CCDC69: variants seen among roughly 807,000 people sequenced by gnomAD.
The protein encoded by CCDC69 is coiled-coil domain-containing protein 69.
In CCDC69, 38 loss-of-function variants were observed where a neutral mutation model predicts 40.3. The observed-to-expected ratio is 0.94, with a 90% CI of 0.73 to 1.24. The LOEUF (loss-of-function observed/expected upper bound fraction) is 1.24, where lower values mean the gene tolerates loss of function less well. Among genes scored for constraint, CCDC69 ranks in the 50% most tolerant of loss-of-function variants. The pLI is 0.00. For missense variants in CCDC69, 389 were observed against 357.9 expected, an observed-to-expected ratio of 1.09 and a Z score of -0.70; for synonymous variants, 141 against 138.9, an observed-to-expected ratio of 1.02 and a Z score of -0.11.
intron 1 of CCDC69, chr5:151,210,539 G>C (rs377130220): frequency 2.6e-5 from 4 of 151,496 alleles, no homozygotes; most frequent in East Asian, 3.9e-4. Context: ...GTGAGACCCT[G>C]TCCCAAAAAA....
At chr5:151,196,502 C>T (rs756864726) in intron 4 of CCDC69, among the ~76,000 whole-genome samples, 1 of 151,932 alleles carries the variant, frequency 6.6e-6, no homozygotes, top group Non-Finnish European at 1.5e-5. Context: ...AAAGGCCATG[C>T]GAATACTCAT....
At chr5:151,206,058 C>T (rs189338563) in intron 1 of CCDC69, among the ~76,000 whole-genome samples, 26 of 152,284 alleles carry the variant, frequency 1.7e-4, no homozygotes, top group Non-Finnish European at 3.4e-4. Flanking sequence ...GAGATAGTGT[C>T]ACAAGTCTGG....
chr5:151,199,575 C>T (rs930899303), intron 3 of CCDC69, among the ~76,000 whole-genome samples: 18 of 152,178 alleles, frequency 1.2e-4, no homozygotes, highest in Non-Finnish European at 2.5e-4. Flanking sequence ...CTCATTGTCC[C>T]CCACTTGAGA....
intron 4 of CCDC69, among the ~76,000 whole-genome samples, chr5:151,192,635 G>A (rs1462014281): frequency 6.6e-6 from 1 of 152,130 alleles, no homozygotes; most frequent in Non-Finnish European, 1.5e-5. Context: ...ATCTCTCCCA[G>A]AAAGAGAAGA....
At chr5:151,204,174 C>A (rs538361650) in intron 2 of CCDC69, among the ~76,000 whole-genome samples, 1 of 152,022 alleles carries the variant, frequency 6.6e-6, no homozygotes, top group South Asian at 2.1e-4. Flanking sequence ...GGACTACAGG[C>A]ACACCGCCAC....
At chr5:151,205,724 T>C (rs534093342) in intron 1 of CCDC69, among the ~76,000 whole-genome samples, 3 of 152,294 alleles carry the variant, frequency 2.0e-5, no homozygotes, top group East Asian at 1.9e-4. Context: ...CTGCTTGACC[T>C]GTCCCTAGAT....
intron 7 of CCDC69, chr5:151,185,168 C>T (rs1428638643): frequency 5.2e-6 from 2 of 385,718 alleles, no homozygotes; most frequent in East Asian, 5.7e-5. Flanking sequence ...CTCAATGCTA[C>T]CTGCCCTAGT....
In CCDC69 at chr5:151,187,375, G is replaced by T. The variant is rs369726489; in HGVS notation, c.393+11C>A. The T allele has an allele frequency of 6.2e-7, 1 of 1,613,110 alleles. No homozygotes were observed. Among genetic ancestry groups the T allele is most frequent in the South Asian group, 1.1e-5 (1 of 91,060 alleles). ...CCTTATCCAAGACTGACACGACCCA[G>T]CCCCTCTCACCTGCTGGGTAGAACT... is the stretch of plus-strand genomic sequence containing the variant. On this transcript the variant is annotated intron_variant, in intron 5 of 8. Transcript: ENST00000355417.
intron 4 of CCDC69, among the ~76,000 whole-genome samples, chr5:151,188,902 T>C (rs936349892): frequency 6.6e-6 from 1 of 152,144 alleles, no homozygotes; most frequent in Non-Finnish European, 1.5e-5. Flanking sequence ...AAGTAAATGG[T>C]AGCAGCAGAC....
rs778517045 is a variant in CCDC69 at position 151,183,570 on chromosome 5, T to C, written c.758A>G (p.Lys253Arg). 1.3e-4 allele frequency: 211 copies of C among 1,612,546 alleles called. No individual in the cohort carries two copies. The highest frequency in any genetic ancestry group is 1.7e-4 in the Non-Finnish European group (206 of 1,179,652). The change falls in exon 9 of 9, where the codon AAG (lysine) becomes AGG (arginine). Residue 253 changes from lysine (K) to arginine (R), a missense_variant. Physicochemically the swap from Lys to Arg is conservative, Grantham distance 26 (BLOSUM62 2). Coordinates refer to ENST00000355417, the MANE Select transcript of CCDC69 (RefSeq NM_015621.3). Reference protein sequence around the residue: ...DLLLTREALEKEVQLRRQLQQ... With the variant: ...DLLLTREALEREVQLRRQLQQ... ...GAGCTGTCGCCGCAGCTGCACCTCC[T>C]TCTCCAGGGCCTCACGCGTGAGAAG...
intron 3 of CCDC69, among the ~76,000 whole-genome samples, chr5:151,199,906 T>C (rs1752753620): frequency 6.6e-6 from 1 of 152,178 alleles, no homozygotes; most frequent in Non-Finnish European, 1.5e-5. Flanking sequence ...GCGTCTAAGC[T>C]AAAACCATTT....
At position 151,183,403 on chromosome 5, in the gene CCDC69, C is replaced by T. The variant is rs752163430; in HGVS notation, c.*34G>A. On this transcript the variant is annotated 3_prime_UTR_variant, in exon 9 of 9. Coordinates refer to ENST00000355417, the MANE Select transcript of CCDC69 (RefSeq NM_015621.3). ...AGAAAAACCTTGGAAGGAGCTGTGA[C>T]TTCAGGCGTCGTGGTGGGCCCAGGC... 2 of 1,583,688 alleles carry T rather than the reference C, an allele frequency of 1.3e-6. No individual in the cohort carries two copies. Among genetic ancestry groups the T allele is most frequent in the Non-Finnish European group, 1.7e-6 (2 of 1,165,936 alleles).
chr5:151,182,863 C>CA lies in CCDC69; in HGVS notation c.*573dup. ...CCCCCTCTCTACCACTCACCTTCCCCACTCTGATTTGCGGGGTTTGTCCAC... is the reference window on the plus strand; with the variant it reads ...CCCCCTCTCTACCACTCACCTTCCCCAACTCTGATTTGCGGGGTTTGTCCAC... On this transcript the variant is annotated 3_prime_UTR_variant, in exon 9 of 9. Coordinates refer to ENST00000355417, the MANE Select transcript of CCDC69 (RefSeq NM_015621.3). 1 of 358,900 alleles carries CA rather than the reference C, an allele frequency of 2.8e-6. No individual in the cohort carries two copies. 22.2% of individuals were successfully genotyped at this position (358,900 alleles called of 1,614,324 possible). A position where few individuals can be genotyped will look rare whatever the true frequency, so the allele number is the denominator to read the frequency against.
At chr5:151,212,788 G>A (rs771465790) in intron 1 of CCDC69, 25 of 455,938 alleles carry the variant, frequency 5.5e-5, no homozygotes, top group African/African-American at 1.0e-4. Flanking sequence ...AGCTGCTGGC[G>A]TGTCATCTAC....
In CCDC69 at chr5:151,185,475, T is replaced by A; in HGVS notation, c.562A>T (p.Lys188Ter). ...LESLHFVIEM[K>*]NERIHELDRR... Reference sequence around the variant, plus strand: ...TCCAGCTCATGAATACGCTCATTCTTCATCTCGATGACAAAGTGTAAGCTC... The same window carrying A: ...TCCAGCTCATGAATACGCTCATTCTACATCTCGATGACAAAGTGTAAGCTC... Residue 188 changes from lysine to a stop codon, truncating the protein, a stop_gained, in exon 7 of 9, where the codon AAG becomes TAG. Coordinates refer to ENST00000355417, the MANE Select transcript of CCDC69 (RefSeq NM_015621.3). LOFTEE classifies it high-confidence loss of function. 6.2e-7 allele frequency: 1 copy of A among 1,614,038 alleles called. No homozygotes were observed. The highest frequency in any genetic ancestry group is 8.5e-7 in the Non-Finnish European group (1 of 1,179,904).
chr5:151,196,194 C>T lies in CCDC69; in HGVS notation c.319+2803G>A, dbSNP rs183148381. ...TTAGATGGAGTCTTGCTCTGTCACC[C>T]AGGCTGGAGTACAGTGGTGAGATCT... On this transcript the variant is annotated intron_variant, in intron 4 of 8. Coordinates refer to ENST00000355417, the MANE Select transcript of CCDC69 (RefSeq NM_015621.3). 6.6e-3 allele frequency among the ~76,000 whole-genome samples: 1,011 copies of T among 152,300 alleles called. 8 individuals are homozygous for T. The highest frequency in any genetic ancestry group is 0.011 in the Non-Finnish European group (723 of 68,026).
intron 2 of CCDC69, among the ~76,000 whole-genome samples, chr5:151,202,544 G>A (rs2113994312): frequency 6.6e-6 from 1 of 152,278 alleles, no homozygotes; most frequent in East Asian, 1.9e-4. Context: ...GCCAGGATAG[G>A]GCTCTGCAGT....
At chr5:151,219,156 A>G (rs915797811) in intron 1 of CCDC69, among the ~76,000 whole-genome samples, 3 of 152,196 alleles carry the variant, frequency 2.0e-5, no homozygotes, top group Admixed American at 2.0e-4. Context: ...TGAGTGCTGC[A>G]GAGGCAGCTT....
intron 1 of CCDC69, among the ~76,000 whole-genome samples, chr5:151,216,406 A>ATTTTT (rs1262419326): frequency 8.6e-5 from 10 of 116,308 alleles, no homozygotes; most frequent in Non-Finnish European, 1.2e-4. Context: ...AATTATTAGG[A>ATTTTT]TTTTTTTTTT....
Sources: allele counts gnomAD v4.1 joint callset (sites outside exome capture counted in the v4.1 genomes callset), GRCh38; gene constraint gnomAD v4.1.1; transcripts MANE v1.5; gene names NCBI Gene and HGNC (gene_info 2026-07-23, HGNC 2026-07-21).